TYW1: variants seen among roughly 807,000 people sequenced by gnomAD.
The protein encoded by TYW1 is S-adenosyl-L-methionine-dependent tRNA 4-demethylwyosine synthase TYW1.
Under a neutral mutation model 96.2 loss-of-function variants are expected in TYW1, and 46 were observed. The ratio of observed to expected loss-of-function variants is 0.48; its 90% CI spans 0.38 to 0.61. TYW1 has a LOEUF of 0.61. Ranked by LOEUF, TYW1 falls within the 20% of genes least tolerant of loss-of-function variation. The pLI, the probability that TYW1 is intolerant of heterozygous loss-of-function variation, is 0.00. For synonymous variants in TYW1, 274 were observed against 323.0 expected, an observed-to-expected ratio of 0.85 and a Z score of 1.63; for missense variants, 684 against 909.6, an observed-to-expected ratio of 0.75 and a Z score of 3.19.
intron 11 of TYW1, among the ~76,000 whole-genome samples, chr7:67,098,232 G>A (rs919404446): frequency 6.4e-4 from 97 of 152,178 alleles, no homozygotes; most frequent in Non-Finnish European, 1.0e-3. Flanking sequence ...GGATCAACAT[G>A]AAAGAATGCA....
At chr7:67,160,359 T>G (rs1425460533) in intron 13 of TYW1, among the ~76,000 whole-genome samples, 1 of 152,234 alleles carries the variant, frequency 6.6e-6, no homozygotes, top group Non-Finnish European at 1.5e-5. Flanking sequence ...TAATATGTGT[T>G]TAATTATTTG....
chr7:67,111,831 G>C (rs1306051724), intron 12 of TYW1, among the ~76,000 whole-genome samples: 3 of 152,100 alleles, frequency 2.0e-5, no homozygotes, highest in African/African-American at 7.2e-5. Flanking sequence ...CCGGCGTGGT[G>C]GCTCACACCC....
chr7:67,047,163 A>G (rs1210257171), intron 7 of TYW1, among the ~76,000 whole-genome samples: 4 of 152,228 alleles, frequency 2.6e-5, no homozygotes, highest in South Asian at 2.1e-4. Flanking sequence ...AAGACTTGCT[A>G]TAGAATTGCT....
intron 10 of TYW1, among the ~76,000 whole-genome samples, chr7:67,076,775 CTTTTT>C (rs543408648): frequency 8.1e-6 from 1 of 123,598 alleles, no homozygotes; most frequent in Admixed American, 8.6e-5. Context: ...TGCACTCAGC[CTTTTT>C]TTTTTTTTTT....
intron 9 of TYW1, among the ~76,000 whole-genome samples, chr7:67,060,545 G>C (rs1221459039): frequency 1.3e-5 from 2 of 152,224 alleles, no homozygotes; most frequent in African/African-American, 4.8e-5. Flanking sequence ...GTTTTGTTTT[G>C]TGTATATGGG....
chr7:66,997,412 T>C (rs758723964), intron 1 of TYW1, among the ~76,000 whole-genome samples: 1 of 152,172 alleles, frequency 6.6e-6, no homozygotes, highest in Non-Finnish European at 1.5e-5. Flanking sequence ...GTAAAAAGAG[T>C]GCTTTTACTA....
chr7:67,096,230 C>A (rs10228932), intron 11 of TYW1, among the ~76,000 whole-genome samples: 36,901 of 151,928 alleles, frequency 0.24, 4,766 homozygotes, highest in African/African-American at 0.32. Context: ...TCTACTGAAA[C>A]TACAAAAAAA....
At chr7:67,088,577 G>A (rs35833760) in intron 11 of TYW1, among the ~76,000 whole-genome samples, 15 of 151,774 alleles carry the variant, frequency 9.9e-5, no homozygotes, top group East Asian at 1.9e-4. Flanking sequence ...GAAAAAGACC[G>A]TAAAGGGATA....
At chr7:67,233,315 A>G (rs1563083011) in intron 15 of TYW1, among the ~76,000 whole-genome samples, 1 of 136,316 alleles carries the variant, frequency 7.3e-6, no homozygotes, top group Non-Finnish European at 1.6e-5. Flanking sequence ...AAACATTTAC[A>G]CTAACAGAGA....
chr7:67,161,458 C>T (rs1799160057), intron 13 of TYW1, among the ~76,000 whole-genome samples: 2 of 152,142 alleles, frequency 1.3e-5, no homozygotes, highest in Admixed American at 6.5e-5. Context: ...TAGATTACCA[C>T]GTATCTTTTG....
chr7:67,227,861 C>CA (rs1320515549), intron 15 of TYW1, among the ~76,000 whole-genome samples: 1 of 152,224 alleles, frequency 6.6e-6, no homozygotes, highest in Non-Finnish European at 1.5e-5. Context: ...GACTCGGTCC[C>CA]ACGTGCCTGT....
intron 11 of TYW1, among the ~76,000 whole-genome samples, chr7:67,095,432 A>G (rs1225957213): frequency 6.6e-6 from 1 of 151,020 alleles, no homozygotes; most frequent in Admixed American, 6.6e-5. Context: ...CACGCCTGTA[A>G]TCCCAGCACT....
At chr7:67,187,211 A>G (rs1162899898) in intron 14 of TYW1, among the ~76,000 whole-genome samples, 1 of 151,998 alleles carries the variant, frequency 6.6e-6, no homozygotes, top group African/African-American at 2.4e-5. Context: ...TTACAGGTGT[A>G]TACCACCATG....
intron 14 of TYW1, 57 bp downstream of exon 14, chr7:67,183,293 C>T (rs1799900829): frequency 4.0e-6 from 6 of 1,492,244 alleles, no homozygotes; most frequent in East Asian, 2.4e-5. Context: ...CGTGGTGCTT[C>T]GTTGGCCATC....
At chr7:67,038,823 G>A (rs560180056) in intron 7 of TYW1, among the ~76,000 whole-genome samples, 1 of 152,102 alleles carries the variant, frequency 6.6e-6, no homozygotes, top group East Asian at 1.9e-4. Context: ...AGAATCGCTT[G>A]AACCCCAGAA....
intron 12 of TYW1, among the ~76,000 whole-genome samples, chr7:67,101,318 T>G (rs1797082986): frequency 6.6e-6 from 1 of 151,996 alleles, no homozygotes; most frequent in Non-Finnish European, 1.5e-5. Context: ...TGGCTGCTTG[T>G]AGTTGGAAGT....
chr7:67,103,266 T>C (rs1315329119), intron 12 of TYW1, among the ~76,000 whole-genome samples: 5 of 152,216 alleles, frequency 3.3e-5, no homozygotes, highest in African/African-American at 4.8e-5. Flanking sequence ...TCAGTTTACC[T>C]TTTTCTGAAA....
intron 15 of TYW1, among the ~76,000 whole-genome samples, chr7:67,204,600 T>C (rs1446517369): frequency 3.7e-5 from 3 of 81,366 alleles, no homozygotes; most frequent in Non-Finnish European, 5.4e-5. Context: ...TCTTCTTTTC[T>C]TTTTTTTTTT....
chr7:67,071,689 C>G (rs1458996932), intron 10 of TYW1, among the ~76,000 whole-genome samples: 2 of 151,898 alleles, frequency 1.3e-5, no homozygotes, highest in Non-Finnish European at 2.9e-5. Context: ...GGCACAATCT[C>G]AGCTCACTGC....
Sources: gnomAD v4.1 joint callset for allele counts (sites outside exome capture counted in the v4.1 genomes callset) on GRCh38, gnomAD v4.1.1 for gene constraint, MANE v1.5 for transcripts, NCBI Gene and HGNC (gene_info 2026-07-23, HGNC 2026-07-21) for gene names.